PPP1R9A: variants seen among roughly 807,000 people sequenced by gnomAD.
PPP1R9A encodes protein phosphatase 1 regulatory subunit 9A.
PPP1R9A carries 59 observed loss-of-function variants against 141.9 expected under a neutral mutation model. The ratio of observed to expected loss-of-function variants is 0.42; its 90% CI spans 0.34 to 0.52. PPP1R9A has a LOEUF of 0.52. Among genes scored for constraint, PPP1R9A ranks in the 20% least tolerant of loss-of-function variants. The pLI, the probability that PPP1R9A is intolerant of heterozygous loss-of-function variation, is 0.10. For synonymous variants in PPP1R9A, 500 were observed against 569.7 expected (o/e 0.88, Z 1.74); for missense variants, 1,444 against 1,611.9 (o/e 0.90, Z 1.78).
At chr7:95,109,973 G>T (rs991629527) in intron 2 of PPP1R9A, among the ~76,000 whole-genome samples, 1 of 152,072 alleles carries the variant, frequency 6.6e-6, no homozygotes. Flanking sequence ...ATGCAGTAAG[G>T]TTTACTATGG....
intron 4 of PPP1R9A, among the ~76,000 whole-genome samples, chr7:95,159,885 C>T (rs1391594555): frequency 1.4e-5 from 2 of 145,912 alleles, no homozygotes; most frequent in Admixed American, 6.9e-5. Flanking sequence ...AAGATCACAC[C>T]ACTGCACTCC....
chr7:95,126,386 G>A (rs573922207), intron 4 of PPP1R9A, among the ~76,000 whole-genome samples: 8 of 152,242 alleles, frequency 5.3e-5, no homozygotes, highest in Admixed American at 2.0e-4. Context: ...CTGGTTTTCA[G>A]ATTAAGAATT....
At chr7:95,259,141 A>G (rs994386624) in intron 12 of PPP1R9A, among the ~76,000 whole-genome samples, 1 of 152,234 alleles carries the variant, frequency 6.6e-6, no homozygotes, top group African/African-American at 2.4e-5. Context: ...GTTTAAAAGC[A>G]AGAAAGACTA....
rs527369925 is a variant in PPP1R9A, at chr7:94,973,982, G to T, written c.1395+62474G>T. On this transcript the variant is annotated intron_variant, in intron 2 of 19. Transcript: ENST00000433360. ...TCCTTCCACTTCAGCCTCCCTAAGT[G>T]CTAGGATTGCAGGCATGAGCCACTA... Among the ~76,000 whole-genome samples, 8 of 152,166 alleles carry T rather than the reference G, an allele frequency of 5.3e-5. No individual in the cohort carries two copies. The South Asian group carries it at 1.2e-3, about 24-fold the overall frequency.
At chr7:95,135,690 A>G (rs115112549) in intron 4 of PPP1R9A, among the ~76,000 whole-genome samples, 1 of 151,004 alleles carries the variant, frequency 6.6e-6, no homozygotes, top group African/African-American at 2.4e-5. Flanking sequence ...ATAATCTATT[A>G]TTTAGTATTC....
chr7:95,265,442 T>A (rs956090173), intron 12 of PPP1R9A, among the ~76,000 whole-genome samples: 17 of 152,322 alleles, frequency 1.1e-4, no homozygotes, highest in Admixed American at 1.0e-3. Flanking sequence ...TTATTTTGAG[T>A]TGTAATATTA....
chr7:94,934,393 G>T (rs888593935), intron 2 of PPP1R9A, among the ~76,000 whole-genome samples: 1 of 152,088 alleles, frequency 6.6e-6, no homozygotes, highest in Non-Finnish European at 1.5e-5. Flanking sequence ...GACCTTTCAA[G>T]ATCTCTAACA....
intron 8 of PPP1R9A, among the ~76,000 whole-genome samples, chr7:95,242,381 A>G (rs1413005462): frequency 6.6e-6 from 1 of 152,186 alleles, no homozygotes. Flanking sequence ...TAATATTTCT[A>G]GAACTAGAGC....
In PPP1R9A at chr7:95,208,705, C is replaced by CA. The variant is rs201624982; in HGVS notation, c.1956+4976dup. 8.8e-3 allele frequency among the ~76,000 whole-genome samples: 1,336 copies of CA among 151,330 alleles called. 29 individuals carry two copies. The highest frequency in any genetic ancestry group is 0.031 in the African/African-American group (1,289 of 41,194). Reference sequence around the variant, plus strand: ...CACCACGGCACTCCATCCTGGGCCACAGAGCGAGACTCTGTCTCAAAAAAA... The same window carrying CA: ...CACCACGGCACTCCATCCTGGGCCACAAGAGCGAGACTCTGTCTCAAAAAAA... On this transcript the variant is annotated intron_variant, in intron 7 of 19. Transcript: ENST00000433360.
At chr7:94,934,133 A>ACC (rs1199205271) in intron 2 of PPP1R9A, among the ~76,000 whole-genome samples, 14 of 152,176 alleles carry the variant, frequency 9.2e-5, no homozygotes, top group Admixed American at 2.6e-4. Flanking sequence ...AATGAGGGTA[A>ACC]AGTAAGAGGT....
intron 2 of PPP1R9A, among the ~76,000 whole-genome samples, chr7:94,955,157 G>T (rs1796951348): frequency 1.3e-5 from 2 of 151,866 alleles, no homozygotes; most frequent in South Asian, 4.2e-4. Flanking sequence ...TTTTCCTGAA[G>T]TGTACATCTT....
At chr7:94,925,904 A>C (rs375224381) in intron 2 of PPP1R9A, among the ~76,000 whole-genome samples, 1 of 152,064 alleles carries the variant, frequency 6.6e-6, no homozygotes, top group Non-Finnish European at 1.5e-5. Flanking sequence ...ACAGCTCACT[A>C]CAGCCTCGAC....
intron 7 of PPP1R9A, among the ~76,000 whole-genome samples, chr7:95,213,647 T>A (rs1792626418): frequency 6.6e-6 from 1 of 152,118 alleles, no homozygotes; most frequent in African/African-American, 2.4e-5. Flanking sequence ...TGCTTCATTT[T>A]TAAACCGCAT....
intron 5 of PPP1R9A, among the ~76,000 whole-genome samples, chr7:95,191,825 T>G (rs1400801363): frequency 1.3e-5 from 2 of 151,980 alleles, no homozygotes; most frequent in African/African-American, 4.8e-5. Flanking sequence ...AGAAAAAAAT[T>G]TAGAATGTGA....
chr7:95,267,099 G>T (rs1199580473), intron 12 of PPP1R9A, among the ~76,000 whole-genome samples: 1 of 152,066 alleles, frequency 6.6e-6, no homozygotes, highest in Non-Finnish European at 1.5e-5. Flanking sequence ...TTCAATGGAT[G>T]TATCTCCTGG....
intron 5 of PPP1R9A, among the ~76,000 whole-genome samples, chr7:95,182,231 C>T (rs1047485744): frequency 2.6e-5 from 4 of 152,018 alleles, no homozygotes; most frequent in African/African-American, 9.7e-5. Context: ...AATCCCAACA[C>T]TTGGGAGCCA....
chr7:94,943,227 G>A (rs1188789870), intron 2 of PPP1R9A, among the ~76,000 whole-genome samples: 2 of 152,052 alleles, frequency 1.3e-5, no homozygotes, highest in Non-Finnish European at 2.9e-5. Context: ...TCATCTCTCT[G>A]GGATAAACTA....
chr7:94,998,334 G>C (rs757437286), intron 2 of PPP1R9A, among the ~76,000 whole-genome samples: 2 of 152,152 alleles, frequency 1.3e-5, no homozygotes, highest in Admixed American at 6.6e-5. Context: ...GAAAACCTGT[G>C]AACTATTTAC....
At chr7:94,979,248 T>C (rs1283985067) in intron 2 of PPP1R9A, among the ~76,000 whole-genome samples, 11 of 152,360 alleles carry the variant, frequency 7.2e-5, no homozygotes, top group Non-Finnish European at 1.6e-4. Flanking sequence ...ATTTGTCATA[T>C]ATTTGTAGTG....
Sources: allele counts gnomAD v4.1 joint callset (sites outside exome capture counted in the v4.1 genomes callset), GRCh38; gene constraint gnomAD v4.1.1; transcripts MANE v1.5; gene names NCBI Gene and HGNC (gene_info 2026-07-23, HGNC 2026-07-21).